Variants in CAND1 observed in about 807,000 individuals in gnomAD.
The protein encoded by CAND1 is cullin associated and neddylation dissociated 1.
CAND1 carries 7 observed loss-of-function variants against 108.5 expected under a neutral mutation model. The ratio of observed to expected loss-of-function variants is 0.06; its 90% CI spans 0.04 to 0.12. The LOEUF (loss-of-function observed/expected upper bound fraction) is 0.12. Among genes scored for constraint, CAND1 ranks in the 10% least tolerant of loss-of-function variants. CAND1 has a pLI of 1.00. For synonymous variants in CAND1, 534 were observed against 512.0 expected (o/e 1.04, Z -0.58); for missense variants, 941 against 1,448.7 (o/e 0.65, Z 5.69).
intron 1 of CAND1, among the ~76,000 whole-genome samples, chr12:67,277,556 A>G (rs1014475067): frequency 1.3e-5 from 2 of 152,208 alleles, no homozygotes; most frequent in Non-Finnish European, 2.9e-5. Flanking sequence ...CATGTGAAAA[A>G]CATGGGCTGA....
chr12:67,312,006 A>G (rs557451481), intron 14 of CAND1, among the ~76,000 whole-genome samples: 30 of 152,288 alleles, frequency 2.0e-4, no homozygotes, highest in Admixed American at 3.9e-4. Context: ...TGCTATATCA[A>G]TATGTTAACA....
intron 2 of CAND1, among the ~76,000 whole-genome samples, chr12:67,291,054 A>T (rs1437241843): frequency 6.6e-6 from 1 of 152,168 alleles, no homozygotes; most frequent in East Asian, 1.9e-4. Flanking sequence ...CTTCCATGAA[A>T]TCGGTCCCTG....
At chr12:67,285,116 A>G (rs759540033) in intron 2 of CAND1, among the ~76,000 whole-genome samples, 68 of 152,208 alleles carry the variant, frequency 4.5e-4, no homozygotes, top group African/African-American at 4.8e-5. Context: ...AGGAACACCC[A>G]TTTATTATAG....
intron 2 of CAND1, among the ~76,000 whole-genome samples, chr12:67,288,847 C>T (rs146870336): frequency 3.0e-4 from 45 of 152,248 alleles, no homozygotes; most frequent in African/African-American, 8.4e-4. Context: ...AGGGCTGAGA[C>T]GTGGCTTAGT....
In CAND1 at chr12:67,305,866, C is replaced by A; in HGVS notation, c.2198C>A (p.Ser733Tyr). 3 of 1,614,176 alleles carry A rather than the reference C, an allele frequency of 1.9e-6. No homozygotes were observed. The highest frequency in any genetic ancestry group is 1.7e-6 in the Non-Finnish European group (2 of 1,180,012). The change falls in exon 10 of 15, where the codon TCC becomes TAC. Residue 733 changes from serine to tyrosine, a missense_variant. By Grantham distance (144) the Ser-to-Tyr change is moderately radical. Transcript: ENST00000545606. The surrounding 1 kb of genome is among the most constrained non-coding windows in gnomAD (Gnocchi z 4.4). ...TCCTCCCTTTCAAAGATAAGTGGATCCATTCTCAATGAACTTATTGGACTT... is the reference window on the plus strand; with the variant it reads ...TCCTCCCTTTCAAAGATAAGTGGATACATTCTCAATGAACTTATTGGACTT... Reference protein sequence around the residue: ...YPSSLSKISGSILNELIGLVR... With the variant: ...YPSSLSKISGYILNELIGLVR...
chr12:67,316,852 A>G lies in CAND1; in HGVS notation c.*4022A>G, dbSNP rs1193319597. The G allele has an allele frequency of 6.6e-6, 1 of 152,172 alleles. No homozygotes were observed. The highest frequency in any genetic ancestry group is 1.9e-4 in the East Asian group (1 of 5,186). The allele number at this position is 152,172 out of a possible 1,614,324, so 9.4% of individuals were successfully genotyped here. On this transcript the variant is annotated 3_prime_UTR_variant, in exon 15 of 15. Coordinates refer to ENST00000545606, the MANE Select transcript of CAND1 (RefSeq NM_018448.5). Reference sequence around the variant, plus strand: ...TCTAGAATGCTCTCAAAAAAATAGTAAAGAATTGTACTTCAGGGCCAGATG... The same window carrying G: ...TCTAGAATGCTCTCAAAAAAATAGTGAAGAATTGTACTTCAGGGCCAGATG...
intron 7 of CAND1, among the ~76,000 whole-genome samples, chr12:67,301,165 G>A (rs543806225): frequency 4.6e-5 from 7 of 152,170 alleles, no homozygotes; most frequent in African/African-American, 1.7e-4. Context: ...TATTTGAATA[G>A]ATATTGGTAA....
At chr12:67,284,421 G>A (rs1482042093) in intron 2 of CAND1, among the ~76,000 whole-genome samples, 1 of 152,102 alleles carries the variant, frequency 6.6e-6, no homozygotes, top group Non-Finnish European at 1.5e-5. Flanking sequence ...CAGTTATTAT[G>A]TTAGTAGATC....
chr12:67,303,651 T>G (rs1165681308), intron 8 of CAND1, among the ~76,000 whole-genome samples: 3 of 152,218 alleles, frequency 2.0e-5, no homozygotes, highest in African/African-American at 7.2e-5. Flanking sequence ...CTGTACTTGC[T>G]TTGCTGTTGA....
At position 67,307,509 on chromosome 12, in the gene CAND1, A is replaced by G. The variant is rs757363211; in HGVS notation, c.3025+17A>G. The G allele has an allele frequency of 2.0e-6, 3 of 1,528,904 alleles. No individual in the cohort carries two copies. The highest frequency in any genetic ancestry group is 2.7e-6 in the Non-Finnish European group (3 of 1,107,254). 94.7% of individuals were successfully genotyped at this position (1,528,904 alleles called of 1,614,324 possible). On this transcript the variant is annotated intron_variant, in intron 11 of 14. Coordinates refer to ENST00000545606, the MANE Select transcript of CAND1 (RefSeq NM_018448.5). ...ACTGCATAGGTAAGTGGAAACAAAG[A>G]TAAACATACTGATTTTTGGACTTTA... is the stretch of plus-strand genomic sequence containing the variant.
intron 6 of CAND1, among the ~76,000 whole-genome samples, chr12:67,298,407 C>G (rs568905992): frequency 1.3e-5 from 2 of 152,222 alleles, no homozygotes; most frequent in African/African-American, 4.8e-5. Flanking sequence ...GCATTTATCC[C>G]TTGACACTCC....
intron 8 of CAND1, among the ~76,000 whole-genome samples, chr12:67,303,425 G>A (rs1373774041): frequency 6.6e-6 from 1 of 152,202 alleles, no homozygotes. Context: ...AAGATTAATT[G>A]TAGAAGGAAA....
At position 67,313,922 on chromosome 12, in the gene CAND1, G is replaced by A. The variant is rs937286269; in HGVS notation, c.*1092G>A. 6.6e-5 allele frequency: 10 copies of A among 152,568 alleles called. No individual in the cohort carries two copies. Among genetic ancestry groups the A allele is most frequent in the Admixed American group, 5.2e-4 (8 of 15,276 alleles). 9.5% of individuals were successfully genotyped at this position (152,568 alleles called of 1,614,324 possible). A position where few individuals can be genotyped will look rare whatever the true frequency, so the allele number is the denominator to read the frequency against. Reference sequence around the variant, plus strand: ...TGAGTTAGGTTTTTCCCCATCTCCTGTAGAGCGAATTTACATATTGTATTG... The same window carrying A: ...TGAGTTAGGTTTTTCCCCATCTCCTATAGAGCGAATTTACATATTGTATTG... On this transcript the variant is annotated 3_prime_UTR_variant, in exon 15 of 15. Transcript: ENST00000545606.
intron 2 of CAND1, among the ~76,000 whole-genome samples, chr12:67,286,341 A>G (rs1032477128): frequency 1.3e-5 from 2 of 152,148 alleles, no homozygotes; most frequent in Non-Finnish European, 2.9e-5. Context: ...CCAAGAGTGA[A>G]ACTGCTCTTG....
At chr12:67,295,810 T>G (rs1051955397) in intron 4 of CAND1, among the ~76,000 whole-genome samples, 1 of 152,146 alleles carries the variant, frequency 6.6e-6, no homozygotes, top group Admixed American at 6.5e-5. Flanking sequence ...AGTGAGGAGC[T>G]ATCATCCTGG....
intron 11 of CAND1, among the ~76,000 whole-genome samples, chr12:67,307,991 G>A (rs981425758): frequency 2.6e-5 from 4 of 151,974 alleles, no homozygotes; most frequent in African/African-American, 7.2e-5. Context: ...AGAACTAAGA[G>A]GAGATAACCC....
chr12:67,294,186 A>G (rs2044747299), intron 3 of CAND1, among the ~76,000 whole-genome samples: 1 of 152,078 alleles, frequency 6.6e-6, no homozygotes, highest in South Asian at 2.1e-4. Flanking sequence ...GCATTGAGCC[A>G]ATTTCCGGTT....
intron 2 of CAND1, 109 bp downstream of exon 2, chr12:67,282,162 G>C: frequency 9.3e-7 from 1 of 1,076,836 alleles, no homozygotes; most frequent in Non-Finnish European, 1.4e-6. Context: ...TCTCTTTCTA[G>C]TGTGTGTGTG....
chr12:67,311,328 G>T (rs925394712), intron 13 of CAND1: 1 of 152,062 alleles, frequency 6.6e-6, no homozygotes. Flanking sequence ...TTCCAGTTCA[G>T]TAATTTTCTA....
Sources: allele counts gnomAD v4.1 joint callset (sites outside exome capture counted in the v4.1 genomes callset), GRCh38; gene constraint gnomAD v4.1.1; non-coding constraint Gnocchi (gnomAD v3.1); transcripts MANE v1.5; gene names NCBI Gene and HGNC (gene_info 2026-07-23, HGNC 2026-07-21).